The following GPC5 variants were observed in gnomAD, a reference collection of about 807,000 sequenced individuals.
GPC5 encodes the protein glypican 5, also known as glypican-5.
GPC5 carries 47 observed loss-of-function variants against 53.9 expected under a neutral mutation model. That is an observed-to-expected ratio of 0.87 (90% CI 0.69 to 1.11). The LOEUF is 1.11. GPC5 is among the 50% of genes most tolerant of loss of function. The probability of loss-of-function intolerance (pLI) is 0.00; values close to 1 mark genes in which losing one functional copy is unlikely to be tolerated. For missense variants in GPC5, 748 were observed against 713.1 expected (o/e 1.05, Z -0.56); for synonymous variants, 286 against 263.3 (o/e 1.09, Z -0.84).
intron 2 of GPC5, among the ~76,000 whole-genome samples, chr13:91,511,700 T>A (rs1461060730): frequency 6.6e-6 from 1 of 152,162 alleles, no homozygotes; most frequent in African/African-American, 2.4e-5. Context: ...ATTTATAGTA[T>A]TTCCATATGG....
chr13:92,382,845 A>C (rs1451424768), intron 7 of GPC5, among the ~76,000 whole-genome samples: 1 of 150,650 alleles, frequency 6.6e-6, no homozygotes, highest in Non-Finnish European at 1.5e-5. Context: ...AAAAAATACA[A>C]AAAAAAAATT....
intron 5 of GPC5, among the ~76,000 whole-genome samples, chr13:91,875,444 T>A (rs974155800): frequency 6.6e-6 from 1 of 152,178 alleles, no homozygotes; most frequent in Non-Finnish European, 1.5e-5. Flanking sequence ...AGAACTGAGA[T>A]TTTAGAAAAG....
chr13:91,591,169 G>A (rs1198570644), intron 2 of GPC5, among the ~76,000 whole-genome samples: 1 of 152,064 alleles, frequency 6.6e-6, no homozygotes, highest in East Asian at 1.9e-4. Flanking sequence ...TTCTTCTATT[G>A]CATCTAAGTA....
At chr13:91,438,654 T>C (rs530586374) in intron 1 of GPC5, among the ~76,000 whole-genome samples, 202 of 152,322 alleles carry the variant, frequency 1.3e-3, no homozygotes, top group Non-Finnish European at 2.3e-3. Context: ...GATCTCAAGC[T>C]GTGTGCTGGG....
chr13:91,562,401 T>C (rs559036146), intron 2 of GPC5, among the ~76,000 whole-genome samples: 4 of 151,982 alleles, frequency 2.6e-5, no homozygotes, highest in Non-Finnish European at 5.9e-5. Flanking sequence ...GGAAAAGAAA[T>C]CATACACTGA....
At chr13:91,462,819 G>T (rs1470954003) in intron 2 of GPC5, among the ~76,000 whole-genome samples, 1 of 152,054 alleles carries the variant, frequency 6.6e-6, no homozygotes, top group African/African-American at 2.4e-5. Context: ...AATGCTTTAG[G>T]ATGATCTAGG....
chr13:92,037,181 G>C (rs991851734), intron 6 of GPC5, among the ~76,000 whole-genome samples: 1 of 151,472 alleles, frequency 6.6e-6, no homozygotes, highest in African/African-American at 2.4e-5. Flanking sequence ...TGATGTCTGC[G>C]TGCACACACA....
Position 92,778,917 on chromosome 13 carries a change from T to G in GPC5, c.1562-87365T>G, listed in dbSNP as rs1594500958. Among the ~76,000 whole-genome samples the G allele has an allele frequency of 3.3e-5, 5 of 152,208 alleles. No individual in the cohort carries two copies. In the South Asian group the frequency reaches 1.0e-3, roughly 32 times the overall value. ...CATGAAAGCATAATTTTCCACTAAG[T>G]GTTATTCCTCATAATGCTTGTTGCT... On this transcript the variant is annotated intron_variant, in intron 7 of 7. Transcript: ENST00000377067.
intron 7 of GPC5, among the ~76,000 whole-genome samples, chr13:92,199,556 C>T (rs2139058256): frequency 6.6e-6 from 1 of 152,266 alleles, no homozygotes; most frequent in Non-Finnish European, 1.5e-5. Flanking sequence ...ACTTGAAATA[C>T]TGTCTACTTT....
At chr13:92,481,696 G>T (rs1445821186) in intron 7 of GPC5, among the ~76,000 whole-genome samples, 2 of 152,080 alleles carry the variant, frequency 1.3e-5, no homozygotes, top group Non-Finnish European at 2.9e-5. Flanking sequence ...TGAGATGGGG[G>T]ATCATTTCCT....
chr13:91,512,924 A>C (rs1885307927), intron 2 of GPC5, among the ~76,000 whole-genome samples: 2 of 152,066 alleles, frequency 1.3e-5, no homozygotes, highest in African/African-American at 4.8e-5. Context: ...GGGTAGAAAA[A>C]AGTTTTTCTT....
chr13:91,740,304 T>G (rs1005926767), intron 4 of GPC5, among the ~76,000 whole-genome samples: 1 of 152,156 alleles, frequency 6.6e-6, no homozygotes, highest in African/African-American at 2.4e-5. Flanking sequence ...TCTCTTAATA[T>G]TCCCAAGTTC....
chr13:92,703,841 G>T (rs1213607614), intron 7 of GPC5, among the ~76,000 whole-genome samples: 1 of 151,780 alleles, frequency 6.6e-6, no homozygotes, highest in Non-Finnish European at 1.5e-5. Flanking sequence ...TGTAAATAAA[G>T]AAATGAGCAA....
intron 2 of GPC5, among the ~76,000 whole-genome samples, chr13:91,487,097 C>T (rs1028537760): frequency 6.6e-6 from 1 of 151,954 alleles, no homozygotes. Context: ...TCTTCACCTT[C>T]TGAGGGTTTG....
chr13:91,638,714 C>CT (rs1357750712), intron 2 of GPC5, among the ~76,000 whole-genome samples: 1 of 152,072 alleles, frequency 6.6e-6, no homozygotes, highest in Non-Finnish European at 1.5e-5. Context: ...ATGTAGAACT[C>CT]TAAGTTGAGG....
chr13:91,398,644 C>G lies in GPC5; in HGVS notation c.-403C>G, dbSNP rs1353088529. ...ACATCCCAGGTTAGCTGCTGCGAGC[C>G]GAGCCGGGCGGCGGAGGCGGCGGCG... On this transcript the variant is annotated 5_prime_UTR_variant, in exon 1 of 8. Coordinates refer to ENST00000377067, the MANE Select transcript of GPC5 (RefSeq NM_004466.6). 5.1e-6 allele frequency: 1 copy of G among 197,122 alleles called. No individual in the cohort carries two copies. Among genetic ancestry groups the G allele is most frequent in the Non-Finnish European group, 9.9e-6 (1 of 101,056 alleles). 12.2% of individuals were successfully genotyped at this position (197,122 alleles called of 1,614,324 possible).
At chr13:92,866,145 A>G (rs1879325823) in intron 7 of GPC5, 137 bp from the exon 8 acceptor site, 1 of 552,614 alleles carries the variant, frequency 1.8e-6, no homozygotes, top group East Asian at 3.3e-5. Context: ...TGTCATATTA[A>G]TTATGTTAGA....
intron 2 of GPC5, among the ~76,000 whole-genome samples, chr13:91,518,285 C>A (rs1018838363): frequency 1.3e-4 from 20 of 152,094 alleles, no homozygotes; most frequent in African/African-American, 4.6e-4. Flanking sequence ...CGTTTTAGCT[C>A]AGGAGTTTGA....
At chr13:92,739,942 C>A (rs79409698) in intron 7 of GPC5, among the ~76,000 whole-genome samples, 3,572 of 152,042 alleles carry the variant, frequency 0.023, 61 homozygotes, top group Non-Finnish European at 0.036. Flanking sequence ...TCAGAACCCA[C>A]AAAATTTAAG....
Sources: allele counts gnomAD v4.1 joint callset (sites outside exome capture counted in the v4.1 genomes callset), GRCh38; gene constraint gnomAD v4.1.1; transcripts MANE v1.5; gene names NCBI Gene and HGNC (gene_info 2026-07-23, HGNC 2026-07-21).